Variants in SVOP observed in about 807,000 individuals in gnomAD.
The protein encoded by SVOP is synaptic vesicle 2-related protein.
SVOP carries 17 observed loss-of-function variants against 69.1 expected under a neutral mutation model. The ratio of observed to expected loss-of-function variants is 0.25; its 90% CI spans 0.17 to 0.37. The LOEUF (loss-of-function observed/expected upper bound fraction) is 0.37, where lower values mean the gene tolerates loss of function less well. Ranked by LOEUF, SVOP falls within the 10% of genes least tolerant of loss-of-function variation. The probability of loss-of-function intolerance (pLI) is 1.00; values close to 1 mark genes in which losing one functional copy is unlikely to be tolerated. For synonymous variants in SVOP, 238 were observed against 238.6 expected (o/e 1.00, Z 0.02); for missense variants, 435 against 597.5 (o/e 0.73, Z 2.84).
chr12:108,933,906 C>G, intron 11 of SVOP, among the ~76,000 whole-genome samples: 1 of 152,062 alleles, frequency 6.6e-6, no homozygotes, highest in East Asian at 1.9e-4. Flanking sequence ...AATCGCTGTC[C>G]GCTCAGATAA....
At chr12:108,965,021 A>G (rs1325780645) in intron 5 of SVOP, among the ~76,000 whole-genome samples, 2 of 152,254 alleles carry the variant, frequency 1.3e-5, no homozygotes, top group Non-Finnish European at 2.9e-5. Flanking sequence ...TGTAGCCAGC[A>G]TTAAAGATAC....
At chr12:108,927,922 T>G (rs1226440736) in intron 11 of SVOP, among the ~76,000 whole-genome samples, 7 of 150,424 alleles carry the variant, frequency 4.7e-5, no homozygotes, top group Admixed American at 1.3e-4. Context: ...TTTTTTTTTT[T>G]TGAGAGAGAG....
At chr12:108,997,191 A>C (rs1324871442) in intron 1 of SVOP, among the ~76,000 whole-genome samples, 1 of 152,208 alleles carries the variant, frequency 6.6e-6, no homozygotes, top group South Asian at 2.1e-4. Context: ...AGTCAAAGAA[A>C]GGGGTGACGG....
At chr12:108,997,007 C>A (rs558635524) in intron 1 of SVOP, among the ~76,000 whole-genome samples, 18 of 151,238 alleles carry the variant, frequency 1.2e-4, no homozygotes, top group African/African-American at 4.4e-4. Context: ...CCAGCGTGAG[C>A]GACACAGAAG....
chr12:108,997,999 G>A (rs369574088), intron 1 of SVOP, among the ~76,000 whole-genome samples: 2 of 148,996 alleles, frequency 1.3e-5, no homozygotes, highest in Admixed American at 6.7e-5. Flanking sequence ...GGCTTCAGAC[G>A]ATCAAATTAC....
intron 6 of SVOP, among the ~76,000 whole-genome samples, chr12:108,945,581 A>G (rs958427628): frequency 6.6e-6 from 1 of 151,706 alleles, no homozygotes. Context: ...TGATTTGTAG[A>G]GATGTATGTG....
rs1003524887 is a variant in SVOP, at chr12:109,020,828, A to C, written c.35+6T>G. ...TCTGCCTCTTGCTCGCCCCCATGAT[A>C]CTCACGGCAGCTGCCTTAGCTGGAA... On this transcript the variant is annotated splice_donor_region_variant and intron_variant, in intron 1 of 15. Coordinates refer to ENST00000610966, the MANE Select transcript of SVOP (RefSeq NM_018711.5). 2 of 624,804 alleles carry C rather than the reference A, an allele frequency of 3.2e-6. No homozygotes were observed. Among genetic ancestry groups the C allele is most frequent in the Admixed American group, 4.6e-5 (2 of 43,016 alleles). 38.7% of individuals were successfully genotyped at this position (624,804 alleles called of 1,614,324 possible).
chr12:108,982,835 AC>A (rs1326823599), intron 2 of SVOP, among the ~76,000 whole-genome samples: 1 of 139,738 alleles, frequency 7.2e-6, no homozygotes, highest in Non-Finnish European at 1.5e-5. Flanking sequence ...CATCACTGTC[AC>A]CATCATCATC....
At chr12:108,942,525 C>A (rs556032410) in intron 7 of SVOP, among the ~76,000 whole-genome samples, 3 of 152,280 alleles carry the variant, frequency 2.0e-5, no homozygotes, top group Admixed American at 6.5e-5. Flanking sequence ...CAATGTGGAG[C>A]CCTGCAGGAG....
intron 7 of SVOP, among the ~76,000 whole-genome samples, chr12:108,944,503 T>G (rs1183199912): frequency 6.6e-6 from 1 of 152,170 alleles, no homozygotes; most frequent in Non-Finnish European, 1.5e-5. Flanking sequence ...GGAATCAATG[T>G]CCAGCATGAG....
intron 4 of SVOP, 69 bp from the exon 5 acceptor site, chr12:108,972,545 C>G: frequency 6.8e-7 from 1 of 1,471,794 alleles, no homozygotes; most frequent in Non-Finnish European, 9.2e-7. Context: ...GAACAACAAA[C>G]GGAAGTGGTG....
chr12:108,970,693 A>T (rs542939510), intron 5 of SVOP, among the ~76,000 whole-genome samples: 5 of 152,272 alleles, frequency 3.3e-5, no homozygotes, highest in Admixed American at 6.5e-5. Context: ...TTCAGTTTAC[A>T]TGTGTCCTGT....
At chr12:108,966,374 A>G (rs1400921733) in intron 5 of SVOP, among the ~76,000 whole-genome samples, 1 of 152,164 alleles carries the variant, frequency 6.6e-6, no homozygotes, top group Admixed American at 6.5e-5. Flanking sequence ...GGCTGCCACA[A>G]ACTCCCAGGT....
intron 2 of SVOP, among the ~76,000 whole-genome samples, chr12:108,981,987 C>T (rs1210093737): frequency 2.0e-5 from 3 of 151,846 alleles, no homozygotes; most frequent in African/African-American, 7.3e-5. Context: ...CCATCATCTT[C>T]ATCATCACCA....
chr12:108,976,920 C>T (rs147105334), intron 4 of SVOP, among the ~76,000 whole-genome samples: 101,965 of 152,166 alleles, frequency 0.67, 34,675 homozygotes, highest in East Asian at 0.79. Flanking sequence ...CAGCCCATTC[C>T]TCTCTTTTAA....
intron 5 of SVOP, among the ~76,000 whole-genome samples, chr12:108,967,891 A>G (rs1430380290): frequency 7.9e-5 from 12 of 152,216 alleles, no homozygotes. Context: ...AGTAAATGGC[A>G]TTTCTGAAAA....
chr12:108,919,825 T>G, intron 12 of SVOP, 39 bp from the exon 13 acceptor site: 5 of 1,357,966 alleles, frequency 3.7e-6, no homozygotes, highest in Non-Finnish European at 5.1e-6. Flanking sequence ...GCTTCCGATG[T>G]GATTCCCAAT....
At chr12:108,927,510 A>AAG (rs1182393343) in intron 11 of SVOP, among the ~76,000 whole-genome samples, 1 of 152,162 alleles carries the variant, frequency 6.6e-6, no homozygotes, top group Admixed American at 6.5e-5. Context: ...CCCCAAATAT[A>AAG]AGCCCACAGG....
chr12:108,912,929 C>T (rs2039693657), intron 15 of SVOP, among the ~76,000 whole-genome samples, 188 bp from the exon 16 acceptor site: 1 of 152,104 alleles, frequency 6.6e-6, no homozygotes, highest in Non-Finnish European at 1.5e-5. Context: ...CCTTTGCCTT[C>T]CTCCATGAGT....
Sources: allele counts gnomAD v4.1 joint callset (sites outside exome capture counted in the v4.1 genomes callset), GRCh38; gene constraint gnomAD v4.1.1; transcripts MANE v1.5; gene names NCBI Gene and HGNC (gene_info 2026-07-23, HGNC 2026-07-21).